The following CWF19L2 variants were observed in gnomAD, a reference collection of about 807,000 sequenced individuals.
CWF19L2 encodes CWF19-like protein 2.
In CWF19L2, 98 loss-of-function variants were observed where a neutral mutation model predicts 111.7. That is an observed-to-expected ratio of 0.88 (90% CI 0.75 to 1.04). The LOEUF (loss-of-function observed/expected upper bound fraction) is 1.04, where lower values mean the gene tolerates loss of function less well. Ranked by LOEUF, CWF19L2 falls within the 50% of genes least tolerant of loss-of-function variation. CWF19L2 has a pLI of 0.00. For synonymous variants in CWF19L2, 351 were observed against 342.9 expected, an observed-to-expected ratio of 1.02 and a Z score of -0.26; for missense variants, 1,101 against 1,051.4, an observed-to-expected ratio of 1.05 and a Z score of -0.65.
intron 10 of CWF19L2, among the ~76,000 whole-genome samples, chr11:107,402,873 GTATATATATATATATATA>G (rs145828149): frequency 4.2e-5 from 4 of 94,468 alleles, no homozygotes; most frequent in Admixed American, 1.2e-4. Flanking sequence ...ACTGTGGTGT[GTATATATATATATATATA>G]TATATATATA....
chr11:107,434,976 T>C (rs1445183268), intron 6 of CWF19L2, among the ~76,000 whole-genome samples: 7 of 152,122 alleles, frequency 4.6e-5, no homozygotes, highest in African/African-American at 1.7e-4. Context: ...ATAATATATA[T>C]GTAAGCTATT....
At chr11:107,362,338 T>A (rs656884) in intron 12 of CWF19L2, among the ~76,000 whole-genome samples, 81,269 of 151,478 alleles carry the variant, frequency 0.54, 22,869 homozygotes, top group African/African-American at 0.72. Flanking sequence ...CAAGGAGGAC[T>A]GCCTGCCTCT....
chr11:107,332,776 T>C (rs2134520508), intron 16 of CWF19L2, among the ~76,000 whole-genome samples: 1 of 152,282 alleles, frequency 6.6e-6, no homozygotes, highest in Middle Eastern at 3.4e-3. Context: ...ATTTTTCTTA[T>C]ACTTATGTAC....
intron 10 of CWF19L2, among the ~76,000 whole-genome samples, chr11:107,414,157 G>T (rs1861194229): frequency 1.3e-5 from 2 of 152,054 alleles, no homozygotes; most frequent in South Asian, 4.1e-4. Context: ...TATTTTGGGG[G>T]AAAGGGGAGG....
intron 10 of CWF19L2, among the ~76,000 whole-genome samples, chr11:107,406,819 T>C (rs2508685): frequency 6.6e-6 from 1 of 151,672 alleles, no homozygotes; most frequent in Non-Finnish European, 1.5e-5. Flanking sequence ...ATCTATCCTT[T>C]GTATATCGTA....
At chr11:107,450,379 T>C (rs1247445769) in intron 3 of CWF19L2, among the ~76,000 whole-genome samples, 1 of 151,938 alleles carries the variant, frequency 6.6e-6, no homozygotes, top group East Asian at 1.9e-4. Flanking sequence ...CACAAATATC[T>C]GGAAATTTAA....
intron 12 of CWF19L2, among the ~76,000 whole-genome samples, chr11:107,387,412 A>G (rs1860783619): frequency 6.6e-6 from 1 of 151,940 alleles, no homozygotes; most frequent in South Asian, 2.1e-4. Flanking sequence ...TTCTGTCAAA[A>G]TATAAACCAA....
intron 14 of CWF19L2, among the ~76,000 whole-genome samples, chr11:107,342,003 C>A (rs11212172): frequency 0.028 from 4,228 of 151,734 alleles, 107 homozygotes; most frequent in East Asian, 0.11. Context: ...TTTTTAAAAA[C>A]CCCAACTTTT....
At chr11:107,381,877 T>C (rs1860691118) in intron 12 of CWF19L2, among the ~76,000 whole-genome samples, 1 of 152,208 alleles carries the variant, frequency 6.6e-6, no homozygotes, top group African/African-American at 2.4e-5. Flanking sequence ...AAACACTTTA[T>C]TAGACAATAA....
At position 107,326,988 on chromosome 11, in the gene CWF19L2, A is replaced by C. The variant is rs150760694; in HGVS notation, c.2607T>G (p.Phe869Leu). The C allele has an allele frequency of 6.3e-5, 102 of 1,612,248 alleles. 1 individual carries two copies. The Middle Eastern group carries it at 9.9e-4, about 16-fold the overall frequency. Residue 869 changes from phenylalanine to leucine, a missense_variant, in exon 18 of 18, where the codon TTT becomes TTG. Physicochemically the swap from Phe to Leu is conservative, Grantham distance 22 (BLOSUM62 0). Transcript: ENST00000282251. Reference sequence around the variant, plus strand: ...GCAGTGCTTTTTTCCTCTGATCCTCAAAGCTTTCTCGGATGCCTTTCCTCC... The same window carrying C: ...GCAGTGCTTTTTTCCTCTGATCCTCCAAGCTTTCTCGGATGCCTTTCCTCC... ...RLWRKGIRESFEDQRKKALQF... is the reference protein window; with the variant it reads ...RLWRKGIRESLEDQRKKALQF...
rs1861495741 is a variant in CWF19L2 at position 107,433,642 on chromosome 11, T to C, written c.772A>G (p.Arg258Gly). 2 of 1,539,712 alleles carry C rather than the reference T, an allele frequency of 1.3e-6. No homozygotes were observed. Among genetic ancestry groups the C allele is most frequent in the Admixed American group, 1.8e-5 (1 of 54,388 alleles). Reference sequence around the variant, plus strand: ...TTAAAACAGATACTCACCCCATATCTTTCGGCTACAATGTCCTCAAAGTTT... The same window carrying C: ...TTAAAACAGATACTCACCCCATATCCTTCGGCTACAATGTCCTCAAAGTTT... ...SRNFEDIVAERYGSMEIFQSK... is the reference protein window; with the variant it reads ...SRNFEDIVAEGYGSMEIFQSK... Residue 258 changes from arginine (R) to glycine (G), a missense_variant, in exon 7 of 18, where the codon AGA becomes GGA. Arg to Gly is a moderately radical substitution (Grantham distance 125, BLOSUM62 -2). Coordinates refer to ENST00000282251, the MANE Select transcript of CWF19L2 (RefSeq NM_152434.3).
chr11:107,390,641 T>C (rs1163465714), intron 11 of CWF19L2, among the ~76,000 whole-genome samples: 1 of 152,218 alleles, frequency 6.6e-6, no homozygotes. Context: ...AATGATTATG[T>C]TGCCCCAAAA....
intron 16 of CWF19L2, among the ~76,000 whole-genome samples, chr11:107,330,865 T>C (rs963104757): frequency 2.6e-5 from 4 of 152,140 alleles, no homozygotes; most frequent in African/African-American, 9.7e-5. Context: ...TAGTCTGTAC[T>C]TACTTATTTG....
At chr11:107,394,554 T>C (rs1002561219) in intron 10 of CWF19L2, among the ~76,000 whole-genome samples, 1 of 152,242 alleles carries the variant, frequency 6.6e-6, no homozygotes, top group African/African-American at 2.4e-5. Context: ...TACTCTCTCC[T>C]GGTTCTGCCT....
chr11:107,445,497 G>A (rs888837715), intron 3 of CWF19L2, among the ~76,000 whole-genome samples: 1 of 151,992 alleles, frequency 6.6e-6, no homozygotes, highest in Non-Finnish European at 1.5e-5. Context: ...CCACCTACTT[G>A]AGAGGCTGAG....
chr11:107,378,087 G>C (rs1322877460), intron 12 of CWF19L2, among the ~76,000 whole-genome samples: 4 of 151,052 alleles, frequency 2.6e-5, no homozygotes, highest in Admixed American at 1.3e-4. Flanking sequence ...ACAGCAGTTA[G>C]AATGGCAATC....
At chr11:107,382,427 T>C (rs1467989737) in intron 12 of CWF19L2, among the ~76,000 whole-genome samples, 1 of 152,228 alleles carries the variant, frequency 6.6e-6, no homozygotes, top group Non-Finnish European at 1.5e-5. Flanking sequence ...TTAAGTCATT[T>C]AATTCTCTCA....
Position 107,433,688 on chromosome 11 carries a change from T to C in CWF19L2, c.726A>G (p.Glu242=), listed in dbSNP as rs1270088176. ...WLRKSYLRMK[E]QAEKQSRNFE... ...AGTTTCTACTTTGTTTCTCAGCTTGTTCCTTCATTCTTAGATAAGATTTCC... is the reference window on the plus strand; with the variant it reads ...AGTTTCTACTTTGTTTCTCAGCTTGCTCCTTCATTCTTAGATAAGATTTCC... Residue 242 remains glutamate (E), a synonymous_variant, in exon 7 of 18, where the codon GAA becomes GAG. Coordinates refer to ENST00000282251, the MANE Select transcript of CWF19L2 (RefSeq NM_152434.3). 6.3e-7 allele frequency: 1 copy of C among 1,595,036 alleles called. No individual in the cohort carries two copies. The highest frequency in any genetic ancestry group is 8.5e-7 in the Non-Finnish European group (1 of 1,170,142).
chr11:107,411,089 GCACA>G (rs146846176), intron 10 of CWF19L2, among the ~76,000 whole-genome samples: 46,927 of 148,512 alleles, frequency 0.32, 7,468 homozygotes, highest in East Asian at 0.4. Context: ...GCGCGTGCGT[GCACA>G]CACACACACA....
Sources: allele counts gnomAD v4.1 joint callset (sites outside exome capture counted in the v4.1 genomes callset), GRCh38; gene constraint gnomAD v4.1.1; transcripts MANE v1.5; gene names NCBI Gene and HGNC (gene_info 2026-07-23, HGNC 2026-07-21).